Variants in TUSC3 observed in about 807,000 individuals in gnomAD.
The protein encoded by TUSC3 is dolichyl-diphosphooligosaccharide--protein glycosyltransferase subunit TUSC3.
A neutral mutation model predicts 44.8 loss-of-function variants in TUSC3; 45 were observed. The observed-to-expected ratio is 1.00, with a 90% CI of 0.79 to 1.29. TUSC3 has a LOEUF of 1.29. Among genes scored for constraint, TUSC3 ranks in the 50% most tolerant of loss-of-function variants. TUSC3 has a pLI of 0.00. For synonymous variants in TUSC3, 212 were observed against 152.9 expected (o/e 1.39, Z -2.85); for missense variants, 519 against 437.9 (o/e 1.19, Z -1.65).
At chr8:15,555,046 A>C (rs1177442358) in intron 1 of TUSC3, among the ~76,000 whole-genome samples, 1 of 151,142 alleles carries the variant, frequency 6.6e-6, no homozygotes, top group Admixed American at 6.6e-5. Context: ...CATTATAGAT[A>C]TAGAGAATGT....
intron 6 of TUSC3, among the ~76,000 whole-genome samples, chr8:15,716,038 T>C (rs959780845): frequency 6.6e-6 from 1 of 152,010 alleles, no homozygotes; most frequent in Non-Finnish European, 1.5e-5. Flanking sequence ...GGCGGTTCAC[T>C]TGAGATAAGG....
At chr8:15,683,795 G>T (rs1383905759) in intron 6 of TUSC3, among the ~76,000 whole-genome samples, 1 of 152,126 alleles carries the variant, frequency 6.6e-6, no homozygotes, top group South Asian at 2.1e-4. Flanking sequence ...CTGTTGTTTT[G>T]TTGGGGCTTT....
rs112729001 is a variant in TUSC3, at chr8:15,651,653, C to G, written c.426+839C>G. Among the ~76,000 whole-genome samples the G allele has an allele frequency of 6.6e-3, 1,000 of 152,284 alleles. 10 individuals are homozygous for G. Among genetic ancestry groups the G allele is most frequent in the African/African-American group, 0.023 (951 of 41,556 alleles). ...CCAGGAAGAGGAGCCTCACCCGAAA[C>G]CAACTCTGCCGGCACCTTCCTCTTG... On this transcript the variant is annotated intron_variant, in intron 3 of 10. Coordinates refer to ENST00000503731, the MANE Select transcript of TUSC3 (RefSeq NM_006765.4).
intron 1 of TUSC3, among the ~76,000 whole-genome samples, chr8:15,425,981 A>T (rs992349355): frequency 7.9e-5 from 12 of 152,228 alleles, no homozygotes; most frequent in Non-Finnish European, 1.3e-4. Context: ...GTGCCATTGT[A>T]CTCAAGCCTG....
chr8:15,471,916 C>G (rs192381177), intron 1 of TUSC3, among the ~76,000 whole-genome samples: 67 of 152,188 alleles, frequency 4.4e-4, no homozygotes, highest in African/African-American at 1.3e-3. Context: ...CCACACCTGG[C>G]CCCCAGTTCT....
In TUSC3 at chr8:15,765,585, G is replaced by C. The variant is rs1228140470; in HGVS notation, c.*1429G>C. On this transcript the variant is annotated 3_prime_UTR_variant, in exon 11 of 11. Coordinates refer to ENST00000503731, the MANE Select transcript of TUSC3 (RefSeq NM_006765.4). ...ATATCCCAGGGCAATGTGTATGCTA[G>C]CAGGATGAATGCTATCTTTTCAAAA... 2.6e-5 allele frequency: 4 copies of C among 151,980 alleles called. No individual in the cohort carries two copies. The East Asian group carries it at 5.8e-4, about 22-fold the overall frequency. 9.4% of individuals were successfully genotyped at this position (151,980 alleles called of 1,614,324 possible).
chr8:15,806,298 A>C, the TUSC3 span: 1 of 687,770 alleles, frequency 1.5e-6, no homozygotes, highest in African/African-American at 1.8e-5. Context: ...TGTGTACACC[A>C]CATGGACTAA....
intron 2 of TUSC3, among the ~76,000 whole-genome samples, chr8:15,644,589 G>T (rs934262233): frequency 6.6e-6 from 1 of 152,054 alleles, no homozygotes; most frequent in African/African-American, 2.4e-5. Context: ...CATTAGTTAG[G>T]TTTTCTCTGT....
intron 1 of TUSC3, among the ~76,000 whole-genome samples, chr8:15,466,338 G>A (rs1331696343): frequency 6.6e-6 from 1 of 151,970 alleles, no homozygotes; most frequent in African/African-American, 2.4e-5. Flanking sequence ...TTTAATTATT[G>A]CACAGAACCT....
chr8:15,468,917 A>T (rs1800449044), intron 1 of TUSC3, among the ~76,000 whole-genome samples: 1 of 137,984 alleles, frequency 7.2e-6, no homozygotes, highest in African/African-American at 3.1e-5. Flanking sequence ...CAGACAGATT[A>T]AAAAAAAAAA....
At chr8:15,504,622 T>TATATATATATATA (rs1491376429) in intron 2 of TUSC3, among the ~76,000 whole-genome samples, 4 of 18,748 alleles carry the variant, frequency 2.1e-4, no homozygotes, top group African/African-American at 2.8e-4. Flanking sequence ...TATATATATA[T>TATATATATATATA]TTTTTTTTTT....
intron 2 of TUSC3, among the ~76,000 whole-genome samples, chr8:15,499,546 C>T (rs1056521126): frequency 1.7e-4 from 26 of 152,172 alleles, no homozygotes; most frequent in African/African-American, 5.8e-4. Context: ...TAAATGGCCT[C>T]TCTTTTGTGT....
intron 1 of TUSC3, among the ~76,000 whole-genome samples, chr8:15,479,442 T>C (rs1337080738): frequency 6.6e-6 from 1 of 152,228 alleles, no homozygotes; most frequent in African/African-American, 2.4e-5. Flanking sequence ...TTTTAATCCA[T>C]CTTGAGTTAA....
intron 1 of TUSC3, among the ~76,000 whole-genome samples, chr8:15,455,782 A>T (rs961144071): frequency 6.6e-6 from 1 of 152,170 alleles, no homozygotes; most frequent in Non-Finnish European, 1.5e-5. Context: ...TAACTACGGG[A>T]GATACTTACG....
intron 1 of TUSC3, among the ~76,000 whole-genome samples, chr8:15,590,150 AT>A (rs1391251758): frequency 6.6e-6 from 1 of 152,214 alleles, no homozygotes; most frequent in Non-Finnish European, 1.5e-5. Flanking sequence ...ATATTTTAAA[AT>A]TATCTTAGAT....
chr8:15,654,451 C>T (rs930990877), intron 3 of TUSC3, among the ~76,000 whole-genome samples: 2 of 151,994 alleles, frequency 1.3e-5, no homozygotes, highest in South Asian at 2.1e-4. Flanking sequence ...TTATTAGATA[C>T]ATTAGAGATA....
At chr8:15,428,460 T>G (rs1585784332) in intron 1 of TUSC3, among the ~76,000 whole-genome samples, 1 of 152,014 alleles carries the variant, frequency 6.6e-6, no homozygotes, top group Non-Finnish European at 1.5e-5. Context: ...AGCAGCATGA[T>G]TTATAGTCCT....
At chr8:15,542,000 A>AT (rs540766032) in intron 1 of TUSC3, among the ~76,000 whole-genome samples, 34,860 of 145,484 alleles carry the variant, frequency 0.24, 4,212 homozygotes, top group Non-Finnish European at 0.29. Flanking sequence ...ACCTTAATCA[A>AT]TTTTTTTTTT....
At chr8:15,777,261 T>C in the TUSC3 span, among the ~76,000 whole-genome samples, 1 of 151,836 alleles carries the variant, frequency 6.6e-6, no homozygotes, top group Non-Finnish European at 1.5e-5. Context: ...TCTTGTAACT[T>C]CCCCCCCACC....
Sources: gnomAD v4.1 joint callset for allele counts (sites outside exome capture counted in the v4.1 genomes callset) on GRCh38, gnomAD v4.1.1 for gene constraint, MANE v1.5 for transcripts, NCBI Gene and HGNC (gene_info 2026-07-23, HGNC 2026-07-21) for gene names.